Variants in PDZRN4 observed in about 807,000 individuals in gnomAD.
The protein encoded by PDZRN4 is PDZ domain-containing RING finger protein 4.
A neutral mutation model predicts 99.0 loss-of-function variants in PDZRN4; 70 were observed. The observed-to-expected ratio is 0.71, with a 90% CI of 0.58 to 0.86. The LOEUF (loss-of-function observed/expected upper bound fraction) is 0.86. Ranked by LOEUF, PDZRN4 falls within the 40% of genes least tolerant of loss-of-function variation. PDZRN4 has a pLI of 0.00. For synonymous variants in PDZRN4, 551 were observed against 501.6 expected (o/e 1.10, Z -1.32); for missense variants, 1,474 against 1,331.2 (o/e 1.11, Z -1.67).
At chr12:41,347,081 G>C (rs1378596719) in intron 3 of PDZRN4, among the ~76,000 whole-genome samples, 1 of 152,060 alleles carries the variant, frequency 6.6e-6, no homozygotes, top group Non-Finnish European at 1.5e-5. Context: ...TCCACATGTG[G>C]CTATTATGGA....
chr12:41,494,480 T>G (rs1301859197), intron 3 of PDZRN4, among the ~76,000 whole-genome samples: 2 of 152,264 alleles, frequency 1.3e-5, no homozygotes, highest in East Asian at 3.9e-4. Flanking sequence ...TATTATAGTC[T>G]ATTTCAAGGT....
chr12:41,208,329 T>A (rs187391852), intron 3 of PDZRN4, among the ~76,000 whole-genome samples: 28 of 152,096 alleles, frequency 1.8e-4, no homozygotes, highest in African/African-American at 6.5e-4. Flanking sequence ...TTAAGAGTGA[T>A]TCCCAAAGTT....
chr12:41,287,059 G>T (rs1951427042), intron 3 of PDZRN4, among the ~76,000 whole-genome samples: 2 of 152,086 alleles, frequency 1.3e-5, no homozygotes, highest in African/African-American at 4.8e-5. Context: ...ACCCCAGCCA[G>T]CAACATCTTT....
At chr12:41,519,920 C>T (rs538755246) in intron 5 of PDZRN4, among the ~76,000 whole-genome samples, 1 of 152,208 alleles carries the variant, frequency 6.6e-6, no homozygotes, top group African/African-American at 2.4e-5. Context: ...GCACATGAGG[C>T]ACTTCCCCCC....
At chr12:41,214,934 C>G (rs992652609) in intron 3 of PDZRN4, among the ~76,000 whole-genome samples, 5 of 152,000 alleles carry the variant, frequency 3.3e-5, no homozygotes, top group African/African-American at 1.2e-4. Flanking sequence ...TGTTTTATAG[C>G]TGGTAAAGTC....
chr12:41,371,706 C>G (rs11180862), intron 3 of PDZRN4, among the ~76,000 whole-genome samples: 2,220 of 152,156 alleles, frequency 0.015, 51 homozygotes, highest in African/African-American at 0.05. Flanking sequence ...GGTTTGTTTT[C>G]TGAACTTGCT....
chr12:41,530,101 G>A (rs1311776425), intron 5 of PDZRN4, among the ~76,000 whole-genome samples: 1 of 151,740 alleles, frequency 6.6e-6, no homozygotes, highest in African/African-American at 2.4e-5. Flanking sequence ...AGACTTCCAT[G>A]GCAGATCTAC....
chr12:41,552,633 A>C (rs969130558), intron 5 of PDZRN4, 23 bp from the exon 6 acceptor site: 10 of 1,567,582 alleles, frequency 6.4e-6, no homozygotes, highest in Non-Finnish European at 8.8e-6. Context: ...CATAAATGTC[A>C]TCTGTGTGTG....
intron 3 of PDZRN4, among the ~76,000 whole-genome samples, chr12:41,285,233 T>C (rs1337782204): frequency 6.6e-6 from 1 of 152,176 alleles, no homozygotes; most frequent in Non-Finnish European, 1.5e-5. Flanking sequence ...AAGACATTTA[T>C]GTGGCTAACA....
At chr12:41,318,377 A>T (rs553321836) in intron 3 of PDZRN4, among the ~76,000 whole-genome samples, 59 of 152,338 alleles carry the variant, frequency 3.9e-4, no homozygotes, top group African/African-American at 9.6e-4. Context: ...ACCCTTAGAA[A>T]CTACTTTTGT....
intron 7 of PDZRN4, among the ~76,000 whole-genome samples, chr12:41,558,993 A>G (rs157973): frequency 0.088 from 13,342 of 152,228 alleles, 624 homozygotes; most frequent in Non-Finnish European, 0.099. Flanking sequence ...TTATCCTTAA[A>G]GTTTCTTGGA....
rs895049738 is a variant in PDZRN4, at chr12:41,296,086, T to G, written c.843+101898T>G. 3.3e-5 allele frequency among the ~76,000 whole-genome samples: 5 copies of G among 152,272 alleles called. No individual in the cohort carries two copies. The East Asian group carries it at 9.7e-4, about 29-fold the overall frequency. Reference sequence around the variant, plus strand: ...CCATAGACATCTCAACTAGGTCAGCTTATGCAACTCTGGCTAAAAAAAGTT... The same window carrying G: ...CCATAGACATCTCAACTAGGTCAGCGTATGCAACTCTGGCTAAAAAAAGTT... On this transcript the variant is annotated intron_variant, in intron 3 of 9. Transcript: ENST00000402685.
At chr12:41,314,539 G>A (rs993113479) in intron 3 of PDZRN4, among the ~76,000 whole-genome samples, 2 of 152,166 alleles carry the variant, frequency 1.3e-5, no homozygotes, top group African/African-American at 4.8e-5. Context: ...CACCAAAGAG[G>A]CTGCATTTTA....
intron 5 of PDZRN4, among the ~76,000 whole-genome samples, chr12:41,526,948 A>G (rs1459730358): frequency 6.6e-6 from 1 of 152,222 alleles, no homozygotes; most frequent in Non-Finnish European, 1.5e-5. Context: ...AGCAATAAAT[A>G]TTTTTGAGCA....
At chr12:41,207,176 A>C (rs1950856713) in intron 3 of PDZRN4, among the ~76,000 whole-genome samples, 1 of 151,990 alleles carries the variant, frequency 6.6e-6, no homozygotes, top group South Asian at 2.1e-4. Context: ...GTAACACAGA[A>C]CTTTATAATG....
intron 3 of PDZRN4, among the ~76,000 whole-genome samples, chr12:41,491,278 T>A (rs1034264665): frequency 1.3e-5 from 2 of 152,078 alleles, no homozygotes; most frequent in African/African-American, 2.4e-5. Context: ...ATCCCAGCAC[T>A]TTGGGAGGCC....
chr12:41,350,538 A>G (rs577593368), intron 3 of PDZRN4, among the ~76,000 whole-genome samples: 25 of 152,282 alleles, frequency 1.6e-4, no homozygotes, highest in African/African-American at 5.3e-4. Flanking sequence ...GAAAAAATGC[A>G]AACAATGACA....
intron 3 of PDZRN4, among the ~76,000 whole-genome samples, chr12:41,244,745 C>T (rs370820537): frequency 6.8e-6 from 1 of 146,908 alleles, no homozygotes; most frequent in East Asian, 2.0e-4. Flanking sequence ...ACTGCAGTGG[C>T]GCAATCTCGG....
chr12:41,371,666 CA>C (rs1952043028), intron 3 of PDZRN4, among the ~76,000 whole-genome samples: 1 of 152,058 alleles, frequency 6.6e-6, no homozygotes, highest in South Asian at 2.1e-4. Flanking sequence ...TTATTTTTGC[CA>C]AATGTTTATT....
Sources: allele counts gnomAD v4.1 joint callset (sites outside exome capture counted in the v4.1 genomes callset), GRCh38; gene constraint gnomAD v4.1.1; transcripts MANE v1.5; gene names NCBI Gene and HGNC (gene_info 2026-07-23, HGNC 2026-07-21).